The following TIAM1 variants were observed in gnomAD, a reference collection of about 807,000 sequenced individuals.
TIAM1 encodes rho guanine nucleotide exchange factor TIAM1.
Under a neutral mutation model 163.5 loss-of-function variants are expected in TIAM1, and 65 were observed. The observed-to-expected ratio is 0.40, with a 90% CI of 0.33 to 0.49. TIAM1 has a LOEUF of 0.49. Ranked by LOEUF, TIAM1 falls within the 20% of genes least tolerant of loss-of-function variation. The pLI is 0.77. For missense variants in TIAM1, 1,789 were observed against 2,044.7 expected (o/e 0.87, Z 2.41); for synonymous variants, 833 against 810.1 (o/e 1.03, Z -0.48).
At chr21:31,416,217 C>A (rs2043366726) in intron 2 of TIAM1, among the ~76,000 whole-genome samples, 1 of 152,180 alleles carries the variant, frequency 6.6e-6, no homozygotes. Flanking sequence ...CTTCAACACT[C>A]CACCATTTCC....
chr21:31,265,615 T>C (rs2072713599), intron 4 of TIAM1, among the ~76,000 whole-genome samples: 1 of 151,456 alleles, frequency 6.6e-6, no homozygotes, highest in South Asian at 2.1e-4. Context: ...CCTGCTGCAG[T>C]GAAGAAATAA....
intron 1 of TIAM1, among the ~76,000 whole-genome samples, chr21:31,556,154 GCAT>G (rs1250734911): frequency 6.6e-6 from 1 of 152,180 alleles, no homozygotes; most frequent in Non-Finnish European, 1.5e-5. Context: ...GAGGCCTTCA[GCAT>G]CCCTAAGGGC....
intron 2 of TIAM1, among the ~76,000 whole-genome samples, chr21:31,323,914 G>A (rs2075399336): frequency 6.6e-6 from 1 of 151,792 alleles, no homozygotes; most frequent in South Asian, 2.1e-4. Flanking sequence ...TGGCTGAGGT[G>A]GGAGGATCAC....
chr21:31,326,644 C>T (rs1025167699), intron 2 of TIAM1, among the ~76,000 whole-genome samples: 4 of 152,090 alleles, frequency 2.6e-5, no homozygotes, highest in Non-Finnish European at 5.9e-5. Flanking sequence ...TGCAGATGTG[C>T]GTGATCATAC....
At chr21:31,292,780 T>G (rs1236763940) in intron 2 of TIAM1, among the ~76,000 whole-genome samples, 1 of 151,942 alleles carries the variant, frequency 6.6e-6, no homozygotes, top group African/African-American at 2.4e-5. Flanking sequence ...GTGATTCTCA[T>G]GCCTCAGCCC....
intron 1 of TIAM1, among the ~76,000 whole-genome samples, chr21:31,504,971 C>A (rs1335082638): frequency 6.6e-6 from 1 of 152,192 alleles, no homozygotes; most frequent in Admixed American, 6.6e-5. Flanking sequence ...GTACCTTCAA[C>A]AAATTTGTTA....
At chr21:31,373,165 G>A (rs1174267066) in intron 2 of TIAM1, among the ~76,000 whole-genome samples, 1 of 152,012 alleles carries the variant, frequency 6.6e-6, no homozygotes, top group East Asian at 1.9e-4. Context: ...GCACGTGCCT[G>A]TGGTCCCCCA....
chr21:31,369,317 C>T (rs1019031731), intron 2 of TIAM1, among the ~76,000 whole-genome samples: 4 of 151,762 alleles, frequency 2.6e-5, no homozygotes, highest in Non-Finnish European at 4.4e-5. Context: ...GTGCTTTGGT[C>T]TCAATGTCTG....
rs2081967467 is a variant in TIAM1, at chr21:31,120,679, CAAACTGCT to C, written c.4457_4464del (p.Glu1486GlyfsTer6). On this transcript the variant is annotated frameshift_variant, in exon 28 of 28. Transcript: ENST00000541036. LOFTEE classifies it high-confidence loss of function. This position sits in a 1 kb window ranked among gnomAD's most constrained non-coding sequence, Gnocchi z 4.2. The stretch of plus-strand genomic sequence containing the variant: ...TCTTGCTCCTCATACTGAGCAAGAT[CAAACTGCT>C]CCTCTACCCATCGGTCAGTGTCCCC... The C allele has an allele frequency of 1.9e-6, 3 of 1,613,976 alleles. No homozygotes were observed. The highest frequency in any genetic ancestry group is 2.5e-6 in the Non-Finnish European group (3 of 1,180,032).
At chr21:31,191,376 A>G (rs1171200582) in intron 13 of TIAM1, among the ~76,000 whole-genome samples, 1 of 152,068 alleles carries the variant, frequency 6.6e-6, no homozygotes, top group Non-Finnish European at 1.5e-5. Flanking sequence ...GGATGGTCTC[A>G]ATCTCTTGAC....
intron 2 of TIAM1, among the ~76,000 whole-genome samples, chr21:31,289,744 G>C (rs780039247): frequency 3.9e-5 from 6 of 152,132 alleles, no homozygotes; most frequent in Non-Finnish European, 2.9e-5. Context: ...TTAATATAAA[G>C]GCAATTCCTG....
At chr21:31,403,655 A>G (rs1168461325) in intron 2 of TIAM1, among the ~76,000 whole-genome samples, 1 of 152,194 alleles carries the variant, frequency 6.6e-6, no homozygotes, top group East Asian at 1.9e-4. Flanking sequence ...TCAAATACAC[A>G]TAACATACAA....
intron 5 of TIAM1, 71 bp from the exon 6 acceptor site, chr21:31,245,731 TA>T (rs2071468595): frequency 1.2e-5 from 16 of 1,280,086 alleles, no homozygotes; most frequent in Non-Finnish European, 1.4e-5. Context: ...CAGTTGAACC[TA>T]ACATGTGCAC....
chr21:31,125,345 C>A (rs1470985558), intron 26 of TIAM1, among the ~76,000 whole-genome samples: 1 of 151,998 alleles, frequency 6.6e-6, no homozygotes. Context: ...TCCGTGTAGG[C>A]AGGGCTACTA....
chr21:31,330,856 A>G (rs2075656655), intron 2 of TIAM1, among the ~76,000 whole-genome samples: 1 of 152,200 alleles, frequency 6.6e-6, no homozygotes, highest in Admixed American at 6.5e-5. Context: ...AAATTTGGCA[A>G]AGAATTCTAG....
chr21:31,210,675 GAAAGAAAGAA>G (rs1233839857), intron 10 of TIAM1, among the ~76,000 whole-genome samples: 2 of 71,352 alleles, frequency 2.8e-5, no homozygotes, highest in African/African-American at 1.5e-4. Flanking sequence ...GAAAAAGAAA[GAAAGAAAGAA>G]AAAGAAAGAA....
At chr21:31,364,793 G>A (rs1433303206) in intron 2 of TIAM1, among the ~76,000 whole-genome samples, 2 of 152,156 alleles carry the variant, frequency 1.3e-5, no homozygotes, top group African/African-American at 4.8e-5. Flanking sequence ...GTTGATGGGG[G>A]AGGAAGGACA....
At chr21:31,369,646 T>C (rs530673228) in intron 2 of TIAM1, among the ~76,000 whole-genome samples, 1 of 152,346 alleles carries the variant, frequency 6.6e-6, no homozygotes, top group South Asian at 2.1e-4. Context: ...ACACATTGTA[T>C]ACTTGTATCA....
At position 31,119,893 on chromosome 21, in the gene TIAM1, T is replaced by C. The variant is rs932687424; in HGVS notation, c.*475A>G. 3 of 152,100 alleles carry C rather than the reference T, an allele frequency of 2.0e-5. No individual in the cohort carries two copies. The highest frequency in any genetic ancestry group is 7.3e-5 in the African/African-American group (3 of 41,276). 9.4% of individuals were successfully genotyped at this position (152,100 alleles called of 1,614,324 possible). A position where few individuals can be genotyped will look rare whatever the true frequency, so the allele number is the denominator to read the frequency against. On this transcript the variant is annotated 3_prime_UTR_variant, in exon 28 of 28. Coordinates refer to ENST00000541036, the MANE Select transcript of TIAM1 (RefSeq NM_001353694.2). ...TAAAATACACGGAGATTCTCAGACA[T>C]GGAAGAGGGAAGGGTACAGTCAGAA...
Sources: allele counts gnomAD v4.1 joint callset (sites outside exome capture counted in the v4.1 genomes callset), GRCh38; gene constraint gnomAD v4.1.1; non-coding constraint Gnocchi (gnomAD v3.1); transcripts MANE v1.5; gene names NCBI Gene and HGNC (gene_info 2026-07-23, HGNC 2026-07-21).